The following ARPC3 variants were observed in gnomAD, a reference collection of about 807,000 sequenced individuals.
ARPC3 encodes actin related protein 2/3 complex subunit 3.
Under a neutral mutation model 27.6 loss-of-function variants are expected in ARPC3, and 12 were observed. The observed-to-expected ratio is 0.43, with a 90% CI of 0.28 to 0.70. ARPC3 has a LOEUF of 0.70. Among genes scored for constraint, ARPC3 ranks in the 30% least tolerant of loss-of-function variants. ARPC3 has a pLI of 0.17. For synonymous variants in ARPC3, 53 were observed against 67.2 expected, an observed-to-expected ratio of 0.79 and a Z score of 1.03; for missense variants, 153 against 207.7, an observed-to-expected ratio of 0.74 and a Z score of 1.62.
chr12:110,435,889 G>A (rs1242879837), intron 6 of ARPC3, among the ~76,000 whole-genome samples: 1 of 152,208 alleles, frequency 6.6e-6, no homozygotes, highest in African/African-American at 2.4e-5. Flanking sequence ...GCCTCCCAAA[G>A]TGGTGGGATT....
At position 110,436,305 on chromosome 12, in the gene ARPC3, T is replaced by G. The variant is rs565769880; in HGVS notation, c.380-101A>C. The G allele has an allele frequency of 5.9e-4, 657 of 1,119,058 alleles. 3 individuals carry two copies. In the African/African-American group the frequency reaches 7.6e-3, roughly 13 times the overall value. 69.3% of individuals were successfully genotyped at this position (1,119,058 alleles called of 1,614,324 possible). A position where few individuals can be genotyped will look rare whatever the true frequency, so the allele number is the denominator to read the frequency against. On this transcript the variant is annotated intron_variant, in intron 5 of 6. Transcript: ENST00000228825. The stretch of plus-strand genomic sequence containing the variant: ...ACTGTGGTAATACATTTTTATACAT[T>G]TGAACAGGATACAAAATAGAAATGA...
chr12:110,448,015 T>A (rs1291044296), intron 1 of ARPC3, among the ~76,000 whole-genome samples: 9 of 150,926 alleles, frequency 6.0e-5, no homozygotes, highest in African/African-American at 2.2e-4. Context: ...CTTGAGAGGC[T>A]GGGAGGACAT....
At chr12:110,450,149 A>G (rs1209236899) in intron 1 of ARPC3, 106 bp downstream of exon 1, 1 of 1,508,422 alleles carries the variant, frequency 6.6e-7, no homozygotes, top group Non-Finnish European at 9.1e-7. Flanking sequence ...CTCGGGCCCC[A>G]GCTTCCTCTC....
chr12:110,440,640 G>A (rs1487447932), intron 2 of ARPC3: 17 of 386,236 alleles, frequency 4.4e-5, no homozygotes, highest in East Asian at 1.7e-4. Flanking sequence ...TCTGCCTCCC[G>A]GGTTCACGCC....
chr12:110,442,859 T>C (rs1431171885), intron 2 of ARPC3: 2 of 152,142 alleles, frequency 1.3e-5, no homozygotes, highest in Non-Finnish European at 2.9e-5. Context: ...TGACACAATT[T>C]GTTTGGCAAT....
intron 2 of ARPC3, among the ~76,000 whole-genome samples, chr12:110,443,364 C>T (rs763700428): frequency 1.3e-5 from 2 of 152,104 alleles, no homozygotes; most frequent in Non-Finnish European, 2.9e-5. Context: ...GTGATCCACC[C>T]GTCTTGGCCT....
chr12:110,443,098 C>G (rs2062446923), intron 2 of ARPC3: 1 of 152,064 alleles, frequency 6.6e-6, no homozygotes, highest in Non-Finnish European at 1.5e-5. Flanking sequence ...AACTCTAACT[C>G]TAGACTTGTG....
chr12:110,444,589 G>A (rs1380782996), intron 2 of ARPC3, among the ~76,000 whole-genome samples: 1 of 152,068 alleles, frequency 6.6e-6, no homozygotes, highest in Middle Eastern at 3.2e-3. Context: ...CCAGCCTTGT[G>A]ATTTTCTTTT....
At chr12:110,436,419 G>T in intron 5 of ARPC3, 138 bp downstream of exon 5, 2 of 1,433,120 alleles carry the variant, frequency 1.4e-6, no homozygotes, top group Non-Finnish European at 9.7e-7. Context: ...TTGTGAGAGT[G>T]ACTAATAAGA....
chr12:110,443,459 G>A (rs974691772), intron 2 of ARPC3, among the ~76,000 whole-genome samples: 1 of 151,160 alleles, frequency 6.6e-6, no homozygotes, highest in Non-Finnish European at 1.5e-5. Context: ...TCGAGATCAA[G>A]TCTCACTTTG....
chr12:110,445,298 C>G (rs1202824653), intron 2 of ARPC3, 154 bp downstream of exon 2: 4 of 654,408 alleles, frequency 6.1e-6, no homozygotes, highest in African/African-American at 1.8e-5. Context: ...CATATAACCA[C>G]TATCTTGAAA....
Position 110,436,651 on chromosome 12 carries a change from C to T in ARPC3, c.285G>A (p.Met95Ile), listed in dbSNP as rs1481492120. 1.9e-6 allele frequency: 3 copies of T among 1,587,236 alleles called. No individual in the cohort carries two copies. The highest frequency in any genetic ancestry group is 1.4e-5 in the African/African-American group (1 of 71,126). ...GAAAATTAGTGATTCCCAGCGTATA[C>T]ATTTCTTTCTCACCTTGGCTTTTGG... ...CNSKSQGEKE[M>I]YTLGITNFPI... The change falls in exon 5 of 7, where the codon ATG (methionine) becomes ATA (isoleucine). Residue 95 changes from methionine (M) to isoleucine (I), a missense_variant. Transcript: ENST00000228825.
chr12:110,440,750 G>C (rs1431548796), intron 2 of ARPC3, among the ~76,000 whole-genome samples: 20 of 150,968 alleles, frequency 1.3e-4, no homozygotes, highest in Admixed American at 9.3e-4. Flanking sequence ...GTTTCACCAT[G>C]TTAGCCAGGA....
At chr12:110,444,214 A>G (rs1164851114) in intron 2 of ARPC3, among the ~76,000 whole-genome samples, 1 of 151,266 alleles carries the variant, frequency 6.6e-6, no homozygotes, top group Non-Finnish European at 1.5e-5. Context: ...CAGGTGATCC[A>G]CCCACCTCGA....
chr12:110,440,057 T>A (rs758922799), intron 3 of ARPC3, among the ~76,000 whole-genome samples: 3 of 152,036 alleles, frequency 2.0e-5, no homozygotes, highest in Non-Finnish European at 2.9e-5. Context: ...TGTGTTCCAA[T>A]AAAGGTTTAT....
intron 3 of ARPC3, 59 bp from the exon 4 acceptor site, chr12:110,437,211 T>A: frequency 8.9e-7 from 1 of 1,128,678 alleles, no homozygotes; most frequent in South Asian, 1.2e-5. Flanking sequence ...TGATGTGCAA[T>A]GTATGCATTC....
At chr12:110,449,961 C>T (rs1477392414) in intron 1 of ARPC3, among the ~76,000 whole-genome samples, 1 of 152,178 alleles carries the variant, frequency 6.6e-6, no homozygotes, top group African/African-American at 2.4e-5. Context: ...GCTTCGCTCT[C>T]TAGTGAGGCT....
intron 3 of ARPC3, 27 bp from the exon 4 acceptor site, chr12:110,437,179 AAC>A: frequency 7.0e-7 from 1 of 1,427,424 alleles, no homozygotes; most frequent in East Asian, 2.3e-5. Context: ...AAGACTTAAA[AAC>A]AGTTATCAAA....
At chr12:110,438,167 G>A (rs1041865193) in intron 3 of ARPC3, among the ~76,000 whole-genome samples, 2 of 151,866 alleles carry the variant, frequency 1.3e-5, no homozygotes, top group Non-Finnish European at 2.9e-5. Context: ...ATGGTGGCGT[G>A]CGCCTGTAAT....
Sources: gnomAD v4.1 joint callset for allele counts (sites outside exome capture counted in the v4.1 genomes callset) on GRCh38, gnomAD v4.1.1 for gene constraint, MANE v1.5 for transcripts, NCBI Gene and HGNC (gene_info 2026-07-23, HGNC 2026-07-21) for gene names.